Variants in FGF14 observed in about 807,000 individuals in gnomAD.
FGF14 encodes fibroblast growth factor 14, also known as fibroblast growth factor homologous factor 4.
Under a neutral mutation model 25.5 loss-of-function variants are expected in FGF14, and 5 were observed. The ratio of observed to expected loss-of-function variants is 0.20; its 90% CI spans 0.10 to 0.41. The LOEUF is 0.41. Ranked by LOEUF, FGF14 falls within the 10% of genes least tolerant of loss-of-function variation. The pLI, the probability that FGF14 is intolerant of heterozygous loss-of-function variation, is 1.00. For synonymous variants in FGF14, 138 were observed against 118.3 expected (o/e 1.17, Z -1.08); for missense variants, 222 against 320.1 (o/e 0.69, Z 2.34).
chr13:102,087,172 GGGGTTAGGAAAGGTCTTT>G (rs2140227122), intron 1 of FGF14, among the ~76,000 whole-genome samples: 1 of 152,256 alleles, frequency 6.6e-6, no homozygotes, highest in African/African-American at 2.4e-5. Context: ...TGATGGGACT[GGGGTTAGGAAAGGTCTTT>G]GTGTAATTCG....
chr13:101,961,024 ATTT>A (rs1438351517), intron 1 of FGF14, among the ~76,000 whole-genome samples: 3 of 152,188 alleles, frequency 2.0e-5, no homozygotes. Flanking sequence ...TCTTTTGCCC[ATTT>A]TTTAATGGGA....
intron 1 of FGF14, among the ~76,000 whole-genome samples, chr13:101,904,745 A>T (rs1340129856): frequency 6.6e-6 from 1 of 152,220 alleles, no homozygotes; most frequent in Non-Finnish European, 1.5e-5. Context: ...CTATACAACC[A>T]TGCAGAAAGT....
At chr13:102,170,494 G>A (rs1417112069) in intron 1 of FGF14, among the ~76,000 whole-genome samples, 3 of 152,020 alleles carry the variant, frequency 2.0e-5, no homozygotes, top group African/African-American at 7.2e-5. Context: ...TGCAACAGAA[G>A]CACAGCGTGA....
At chr13:102,350,770 C>T (rs1424753648) in intron 1 of FGF14, among the ~76,000 whole-genome samples, 1 of 152,192 alleles carries the variant, frequency 6.6e-6, no homozygotes, top group Non-Finnish European at 1.5e-5. Context: ...GTGGGAATAA[C>T]AGAGCTTCCA....
chr13:101,767,868 A>C (rs2038506897), intron 3 of FGF14, among the ~76,000 whole-genome samples: 1 of 152,178 alleles, frequency 6.6e-6, no homozygotes, highest in African/African-American at 2.4e-5. Context: ...CTTTTTTAAA[A>C]ATTTTAAAGT....
At chr13:101,748,179 A>C (rs1242311576) in intron 3 of FGF14, among the ~76,000 whole-genome samples, 1 of 152,012 alleles carries the variant, frequency 6.6e-6, no homozygotes, top group African/African-American at 2.4e-5. Flanking sequence ...TTATGTGTAT[A>C]ACAACACTAC....
At chr13:102,089,184 G>A (rs528863505) in intron 1 of FGF14, among the ~76,000 whole-genome samples, 15 of 152,218 alleles carry the variant, frequency 9.9e-5, no homozygotes, top group African/African-American at 2.6e-4. Context: ...TGAGTCTAGC[G>A]TATATTTTAT....
intron 1 of FGF14, among the ~76,000 whole-genome samples, chr13:102,158,079 T>C (rs942814569): frequency 1.4e-4 from 21 of 152,186 alleles, no homozygotes; most frequent in Non-Finnish European, 5.9e-5. Context: ...GGTGGGACTG[T>C]AAACTAGTTC....
chr13:102,226,321 T>C (rs1262282488), intron 1 of FGF14, among the ~76,000 whole-genome samples: 1 of 152,152 alleles, frequency 6.6e-6, no homozygotes, highest in Non-Finnish European at 1.5e-5. Context: ...CACTAGAGTG[T>C]TGTGAGGATT....
At chr13:102,317,589 T>G (rs1337656052) in intron 1 of FGF14, among the ~76,000 whole-genome samples, 1 of 152,202 alleles carries the variant, frequency 6.6e-6, no homozygotes, top group Non-Finnish European at 1.5e-5. Context: ...AACCTTTGTT[T>G]TTTTTCTAAA....
At chr13:101,818,315 A>G (rs1021764673) in intron 3 of FGF14, among the ~76,000 whole-genome samples, 2 of 152,210 alleles carry the variant, frequency 1.3e-5, no homozygotes, top group South Asian at 2.1e-4. Context: ...TATCAACCAT[A>G]CTATACATTT....
At chr13:101,902,257 T>A (rs548219581) in intron 1 of FGF14, among the ~76,000 whole-genome samples, 44 of 152,182 alleles carry the variant, frequency 2.9e-4, no homozygotes, top group South Asian at 2.3e-3. Flanking sequence ...CCCTTTTTTT[T>A]ATTATATTAT....
chr13:102,304,228 G>A (rs1449948388), intron 1 of FGF14, among the ~76,000 whole-genome samples: 1 of 151,870 alleles, frequency 6.6e-6, no homozygotes, highest in East Asian at 1.9e-4. Flanking sequence ...TCTTCCTACT[G>A]AACCCCACGA....
At chr13:102,317,214 T>A (rs559579315) in intron 1 of FGF14, among the ~76,000 whole-genome samples, 1 of 152,196 alleles carries the variant, frequency 6.6e-6, no homozygotes, top group Non-Finnish European at 1.5e-5. Context: ...AATAAGAGTA[T>A]AAAGGTTCTG....
chr13:101,838,172 T>G (rs2043017104), intron 3 of FGF14, among the ~76,000 whole-genome samples: 1 of 152,140 alleles, frequency 6.6e-6, no homozygotes, highest in East Asian at 1.9e-4. Context: ...TGTATACACC[T>G]GTCCTATTAG....
At chr13:102,191,723 A>C (rs1374373013) in intron 1 of FGF14, among the ~76,000 whole-genome samples, 1 of 152,210 alleles carries the variant, frequency 6.6e-6, no homozygotes, top group Non-Finnish European at 1.5e-5. Context: ...TCCAGCATCA[A>C]TTCTAAAGTA....
intron 1 of FGF14, among the ~76,000 whole-genome samples, chr13:102,089,681 T>C (rs1216458507): frequency 1.3e-5 from 2 of 152,206 alleles, no homozygotes; most frequent in East Asian, 1.9e-4. Flanking sequence ...GAATCAAATG[T>C]GCCTCATGAT....
At chr13:102,028,174 T>C (rs2041027218) in intron 1 of FGF14, among the ~76,000 whole-genome samples, 1 of 152,120 alleles carries the variant, frequency 6.6e-6, no homozygotes, top group African/African-American at 2.4e-5. Flanking sequence ...TTTCTTTCTT[T>C]CTTCCCGAAT....
At chr13:101,964,447 G>T (rs1310145450) in intron 1 of FGF14, among the ~76,000 whole-genome samples, 1 of 152,216 alleles carries the variant, frequency 6.6e-6, no homozygotes, top group African/African-American at 2.4e-5. Flanking sequence ...TCCAGCCCAT[G>T]AAGAACAGCC....
Sources: gnomAD v4.1 joint callset for allele counts (sites outside exome capture counted in the v4.1 genomes callset) on GRCh38, gnomAD v4.1.1 for gene constraint, MANE v1.5 for transcripts, NCBI Gene and HGNC (gene_info 2026-07-23, HGNC 2026-07-21) for gene names.